Variants in TNIP3 observed in about 807,000 individuals in gnomAD.
TNIP3 encodes the protein TNFAIP3-interacting protein 3.
A neutral mutation model predicts 54.1 loss-of-function variants in TNIP3; 34 were observed. The ratio of observed to expected loss-of-function variants is 0.63; its 90% CI spans 0.48 to 0.84. The LOEUF is 0.84. Ranked by LOEUF, TNIP3 falls within the 40% of genes least tolerant of loss-of-function variation. TNIP3 has a pLI of 0.00. For missense variants in TNIP3, 366 were observed against 387.6 expected, an observed-to-expected ratio of 0.94 and a Z score of 0.47; for synonymous variants, 134 against 136.8, an observed-to-expected ratio of 0.98 and a Z score of 0.14.
chr4:121,154,576 T>G lies in TNIP3; in HGVS notation c.467A>C (p.Glu156Ala), dbSNP rs775659682. ...TLANKEKEHYECEIKRLNKAL... is the reference protein window; with the variant it reads ...TLANKEKEHYACEIKRLNKAL... ...CTTATTGAGGCGTTTTATTTCACAT[T>G]CGTAATGTTCCTTTTCCTTGTTCGC... The change falls in exon 5 of 11, where the codon GAA becomes GCA. Residue 156 changes from glutamate to alanine, a missense_variant. Coordinates refer to ENST00000057513, the MANE Select transcript of TNIP3 (RefSeq NM_024873.6). 5 of 1,613,852 alleles carry G rather than the reference T, an allele frequency of 3.1e-6. No individual in the cohort carries two copies. The South Asian group carries it at 4.4e-5, about 14-fold the overall frequency.
intron 10 of TNIP3, among the ~76,000 whole-genome samples, chr4:121,134,895 C>G (rs1267802677): frequency 6.6e-6 from 1 of 152,232 alleles, no homozygotes; most frequent in Non-Finnish European, 1.5e-5. Context: ...CCCGAAGTCC[C>G]TGCCCAGGTG....
At chr4:121,136,360 G>T (rs1413733791) in intron 10 of TNIP3, among the ~76,000 whole-genome samples, 1 of 152,086 alleles carries the variant, frequency 6.6e-6, no homozygotes, top group African/African-American at 2.4e-5. Context: ...AGTAAGAGGG[G>T]CACTGTACTA....
Position 121,141,801 on chromosome 4 carries a change from T to G in TNIP3, c.885+15A>C. ...ACAGTATACTAAGCACTTTTTCAAATGCACTCTTACTTACTGGGTGCTCCC... is the reference window on the plus strand; with the variant it reads ...ACAGTATACTAAGCACTTTTTCAAAGGCACTCTTACTTACTGGGTGCTCCC... On this transcript the variant is annotated intron_variant, in intron 9 of 10. Coordinates refer to ENST00000057513, the MANE Select transcript of TNIP3 (RefSeq NM_024873.6). 6.7e-7 allele frequency: 1 copy of G among 1,495,404 alleles called. No homozygotes were observed. The highest frequency in any genetic ancestry group is 9.0e-7 in the Non-Finnish European group (1 of 1,115,270). The allele number at this position is 1,495,404 out of a possible 1,614,324, so 92.6% of individuals were successfully genotyped here. A position where few individuals can be genotyped will look rare whatever the true frequency, so the allele number is the denominator to read the frequency against.
chr4:121,190,952 C>G (rs2148832547), intron 2 of TNIP3, among the ~76,000 whole-genome samples: 1 of 152,276 alleles, frequency 6.6e-6, no homozygotes, highest in South Asian at 2.1e-4. Flanking sequence ...GGGTCAAACA[C>G]TGTTACTCTC....
intron 2 of TNIP3, among the ~76,000 whole-genome samples, chr4:121,190,677 C>T (rs943144472): frequency 3.3e-5 from 5 of 152,164 alleles, no homozygotes; most frequent in African/African-American, 1.2e-4. Flanking sequence ...GTTCAGAAGT[C>T]CTTTCCAAGT....
chr4:121,199,270 C>T (rs1343494129), intron 2 of TNIP3, among the ~76,000 whole-genome samples: 2 of 152,178 alleles, frequency 1.3e-5, no homozygotes, highest in East Asian at 3.8e-4. Flanking sequence ...GATGCTAGAG[C>T]TGGGAAACTG....
At chr4:121,166,058 G>T (rs1254441913), upstream of TNIP3, among the ~76,000 whole-genome samples, 1 of 152,200 alleles carries the variant, frequency 6.6e-6, no homozygotes, top group Non-Finnish European at 1.5e-5. Context: ...ACCTAGAAAA[G>T]TGGGTGGGAA....
At chr4:121,176,231 C>G (rs912902134) in intron 3 of TNIP3, among the ~76,000 whole-genome samples, 4 of 152,182 alleles carry the variant, frequency 2.6e-5, no homozygotes, top group African/African-American at 7.2e-5. Flanking sequence ...CAGTAATGAG[C>G]GTCAAATGCC....
At chr4:121,149,262 T>A (rs929821632) in intron 6 of TNIP3, among the ~76,000 whole-genome samples, 1 of 152,186 alleles carries the variant, frequency 6.6e-6, no homozygotes, top group South Asian at 2.1e-4. Flanking sequence ...GGGAGGAGAA[T>A]GCTCTTGTGC....
rs1032516848 is a variant in TNIP3, at chr4:121,221,908, C to T, written c.4-5408G>A. On this transcript the variant is annotated intron_variant, in intron 1 of 12. Transcript: ENST00000509841. ...CAGCTCAATCACATCAGAACACCTG[C>T]ATTTCTTCTTCATGCAAAACTGACA... Among the ~76,000 whole-genome samples the T allele has an allele frequency of 1.1e-4, 16 of 152,260 alleles. No homozygotes were observed. In the South Asian group the frequency reaches 2.9e-3, roughly 28 times the overall value.
chr4:121,154,022 C>A (rs550214257), intron 5 of TNIP3, among the ~76,000 whole-genome samples: 13 of 152,124 alleles, frequency 8.5e-5, no homozygotes, highest in Non-Finnish European at 1.6e-4. Flanking sequence ...CACACACACA[C>A]CCCTGCATGC....
intron 3 of TNIP3, among the ~76,000 whole-genome samples, chr4:121,178,611 T>A (rs10446733): frequency 0.24 from 36,168 of 152,068 alleles, 4,523 homozygotes; most frequent in African/African-American, 0.29. Flanking sequence ...GTCAATAACT[T>A]CATGACACCA....
At chr4:121,175,237 A>G (rs1724239027) in intron 3 of TNIP3, among the ~76,000 whole-genome samples, 1 of 152,244 alleles carries the variant, frequency 6.6e-6, no homozygotes, top group Admixed American at 6.5e-5. Context: ...TGCTGAAGTC[A>G]TGCAAGTCTG....
upstream of TNIP3, among the ~76,000 whole-genome samples, chr4:121,220,541 C>T (rs1726986021): frequency 6.6e-6 from 1 of 152,062 alleles, no homozygotes; most frequent in African/African-American, 2.4e-5. Flanking sequence ...GGTAACTTAA[C>T]CTTTACTAGA....
chr4:121,156,093 G>A (rs2148811177), intron 4 of TNIP3, among the ~76,000 whole-genome samples: 1 of 152,316 alleles, frequency 6.6e-6, no homozygotes, highest in East Asian at 1.9e-4. Flanking sequence ...GAAAGGGAGT[G>A]TTGCTAAACT....
chr4:121,184,871 G>T (rs181563803), intron 2 of TNIP3, among the ~76,000 whole-genome samples: 2 of 152,104 alleles, frequency 1.3e-5, no homozygotes, highest in Non-Finnish European at 2.9e-5. Context: ...CCTATCTTCA[G>T]GTTTTTTCCA....
At chr4:121,196,042 G>A (rs924490769) in intron 2 of TNIP3, among the ~76,000 whole-genome samples, 2 of 152,140 alleles carry the variant, frequency 1.3e-5, no homozygotes, top group Admixed American at 6.5e-5. Context: ...AACACCACAC[G>A]CTTGATTTTA....
chr4:121,157,037 C>T, intron 4 of TNIP3, 57 bp downstream of exon 4: 3 of 1,605,474 alleles, frequency 1.9e-6, no homozygotes, highest in Non-Finnish European at 2.5e-6. Flanking sequence ...AGGAAATCCC[C>T]CCGCCCCTTT....
chr4:121,166,302 C>G (rs1225469500), upstream of TNIP3, among the ~76,000 whole-genome samples: 1 of 152,208 alleles, frequency 6.6e-6, no homozygotes, highest in Non-Finnish European at 1.5e-5. Context: ...TAAGTAATAA[C>G]TCTTCTGAAG....
Sources: allele counts gnomAD v4.1 joint callset (sites outside exome capture counted in the v4.1 genomes callset), GRCh38; gene constraint gnomAD v4.1.1; transcripts MANE v1.5; gene names NCBI Gene and HGNC (gene_info 2026-07-23, HGNC 2026-07-21).